AMPD1: variants seen among roughly 807,000 people sequenced by gnomAD.
AMPD1 encodes the protein AMP deaminase 1.
Under a neutral mutation model 82.9 loss-of-function variants are expected in AMPD1, and 74 were observed. That is an observed-to-expected ratio of 0.89 (90% CI 0.74 to 1.08). The LOEUF (loss-of-function observed/expected upper bound fraction) is 1.08. AMPD1 is among the 50% of genes least tolerant of loss of function. AMPD1 has a pLI of 0.00. For synonymous variants in AMPD1, 333 were observed against 320.5 expected (o/e 1.04, Z -0.42); for missense variants, 881 against 924.5 (o/e 0.95, Z 0.61).
rs751594386 is a variant in AMPD1, at chr1:114,673,180, G to A, written c.2178C>T (p.Ala726=). The A allele has an allele frequency of 5.0e-6, 8 of 1,614,068 alleles. No homozygotes were observed. Among genetic ancestry groups the A allele is most frequent in the South Asian group, 2.2e-5 (2 of 91,080 alleles). ...RRTNVAQIRM[A]YRYETWCYEL... Reference sequence around the variant, plus strand: ...CATAACACCAGGTTTCATAGCGATAGGCCATGCGGATTTGGGCTACATTTG... The same window carrying A: ...CATAACACCAGGTTTCATAGCGATAAGCCATGCGGATTTGGGCTACATTTG... Residue 726 remains alanine (A), a synonymous_variant, in exon 16 of 16, where the codon GCC becomes GCT. Transcript: ENST00000520113.
intron 2 of AMPD1, among the ~76,000 whole-genome samples, chr1:114,689,373 C>T (rs1225429255): frequency 6.6e-6 from 1 of 152,128 alleles, no homozygotes; most frequent in African/African-American, 2.4e-5. Flanking sequence ...TGCTGGAAGT[C>T]CCATTTCTTG....
intron 5 of AMPD1, among the ~76,000 whole-genome samples, chr1:114,683,872 G>A (rs1416984602): frequency 6.6e-6 from 1 of 152,180 alleles, no homozygotes; most frequent in Non-Finnish European, 1.5e-5. Flanking sequence ...TCAGATCTGT[G>A]TTTTAAAAAT....
intron 8 of AMPD1, 134 bp from the exon 9 acceptor site, chr1:114,678,175 A>G (rs771587586): frequency 1.1e-4 from 163 of 1,468,020 alleles, no homozygotes; most frequent in Non-Finnish European, 1.5e-4. Flanking sequence ...AATTTGGGAC[A>G]GGTGACAATG....
chr1:114,677,265 G>T, intron 10 of AMPD1, 86 bp downstream of exon 10: 2 of 1,550,192 alleles, frequency 1.3e-6, no homozygotes, highest in Non-Finnish European at 1.8e-6. Context: ...ATTTCTAGAT[G>T]GGCAACACGT....
Position 114,674,768 on chromosome 1 carries a change from C to A in AMPD1, c.1784G>T (p.Gly595Val). 1.9e-6 allele frequency: 3 copies of A among 1,613,678 alleles called. No homozygotes were observed. The highest frequency in any genetic ancestry group is 1.7e-6 in the Non-Finnish European group (2 of 1,179,648). The change falls in exon 13 of 16, where the codon GGC (glycine) becomes GTC (valine). Residue 595 changes from glycine (G) to valine (V), a missense_variant. By Grantham distance (109) the Gly-to-Val change is moderately radical. Transcript: ENST00000520113. ...AFMIADDISH[G>V]LNLKKSPVLQ... Reference sequence around the variant, plus strand: ...CCAACTCACCTTTTTTAAATTTAGGCCATGAGAGATATCATCTGCTATCAT... The same window carrying A: ...CCAACTCACCTTTTTTAAATTTAGGACATGAGAGATATCATCTGCTATCAT...
intron 4 of AMPD1, 80 bp from the exon 5 acceptor site, chr1:114,684,444 C>T: frequency 7.0e-7 from 1 of 1,438,006 alleles, no homozygotes; most frequent in Non-Finnish European, 9.6e-7. Flanking sequence ...TCCTTGGCAC[C>T]TCCCAGCTCT....
chr1:114,674,741 T>G lies in AMPD1; in HGVS notation c.1800+11A>C. On this transcript the variant is annotated intron_variant, in intron 13 of 15. Transcript: ENST00000520113. ...CCAATGTAAAAGTTAAGAAGAGAGCTTCCAACTCACCTTTTTTAAATTTAG... is the reference window on the plus strand; with the variant it reads ...CCAATGTAAAAGTTAAGAAGAGAGCGTCCAACTCACCTTTTTTAAATTTAG... The G allele has an allele frequency of 6.2e-7, 1 of 1,613,232 alleles. No homozygotes were observed.
In AMPD1 at chr1:114,683,038, G is replaced by A. The variant is rs189213166; in HGVS notation, c.547+1161C>T. The A allele has an allele frequency of 1.7e-3, 528 of 316,200 alleles. 2 individuals are homozygous for A. Among genetic ancestry groups the A allele is most frequent in the African/African-American group, 0.011 (492 of 44,830 alleles). The allele number at this position is 316,200 out of a possible 1,614,324, so 19.6% of individuals were successfully genotyped here. A position where few individuals can be genotyped will look rare whatever the true frequency, so the allele number is the denominator to read the frequency against. The stretch of plus-strand genomic sequence containing the variant: ...CAGAAATTTAATTGCCTAAAAATAG[G>A]AATTAAGTCAATTATGTTCCAGTTA... On this transcript the variant is annotated intron_variant, in intron 5 of 15. Coordinates refer to ENST00000520113, the MANE Select transcript of AMPD1 (RefSeq NM_000036.3).
chr1:114,678,054 A>G lies in AMPD1; in HGVS notation c.1093-13T>C, dbSNP rs1657920976. Reference sequence around the variant, plus strand: ...AGGTCTGGCGTCCCTGAATCAGGAAAAAAGAGCAGAGATGTATTATTACCA... The same window carrying G: ...AGGTCTGGCGTCCCTGAATCAGGAAGAAAGAGCAGAGATGTATTATTACCA... On this transcript the variant is annotated splice_polypyrimidine_tract_variant and intron_variant, in intron 8 of 15. Transcript: ENST00000520113. 2 of 1,613,796 alleles carry G rather than the reference A, an allele frequency of 1.2e-6. No individual in the cohort carries two copies. The highest frequency in any genetic ancestry group is 1.7e-6 in the Non-Finnish European group (2 of 1,179,996).
rs756615555 is a variant in AMPD1, at chr1:114,695,477, C to T, written c.-6G>A. The T allele has an allele frequency of 2.4e-5, 38 of 1,613,428 alleles. No individual in the cohort carries two copies. In the South Asian group the frequency reaches 4.0e-4, roughly 17 times the overall value. On this transcript the variant is annotated 5_prime_UTR_variant, in exon 1 of 16. Transcript: ENST00000520113. ...GGGAGTTTGAACAGAGGCATTGTTGCTGAAATCCTTGATTCTAGGATAGCA... is the reference window on the plus strand; with the variant it reads ...GGGAGTTTGAACAGAGGCATTGTTGTTGAAATCCTTGATTCTAGGATAGCA...
chr1:114,675,421 T>G, intron 12 of AMPD1, 109 bp downstream of exon 12: 1 of 1,233,418 alleles, frequency 8.1e-7, no homozygotes, highest in Non-Finnish European at 1.2e-6. Context: ...TTTGGGCCAA[T>G]TGGAACCATC....
chr1:114,684,605 T>C (rs1658259115), intron 4 of AMPD1: 1 of 568,828 alleles, frequency 1.8e-6, no homozygotes, highest in South Asian at 2.1e-5. Context: ...GTCTTTCCCT[T>C]GTAGTCCTGT....
chr1:114,678,549 G>GA (rs762951803), intron 7 of AMPD1, 22 bp from the exon 8 acceptor site: 4 of 1,603,166 alleles, frequency 2.5e-6, no homozygotes, highest in South Asian at 1.1e-5. Flanking sequence ...TTCAAAGAAA[G>GA]AAAAAAACAT....
In AMPD1 at chr1:114,680,267, T is replaced by G. The variant is rs767365709; in HGVS notation, c.759A>C (p.Gln253His). ...DMNFLLALIA[Q>H]GPVKTYTHRR... ...TCTCACTAAACACTTACACAGGTCC[T>G]TGAGCAATTAAAGCAAGTAAAAAAT... The change falls in exon 6 of 16, where the codon CAA becomes CAC. Residue 253 changes from glutamine (Q) to histidine (H), a missense_variant. By Grantham distance (24) the Gln-to-His change is conservative. This residue lies in a region of AMPD1 where 783 missense variants were observed against 786.4 expected (regional missense o/e 1.00). Transcript: ENST00000520113. The G allele has an allele frequency of 4.3e-6, 7 of 1,613,554 alleles. No individual in the cohort carries two copies. In the African/African-American group the frequency reaches 8.0e-5, roughly 18 times the overall value.
At chr1:114,683,049 A>G (rs1285023087) in intron 5 of AMPD1, 1 of 368,056 alleles carries the variant, frequency 2.7e-6, no homozygotes, top group Non-Finnish European at 5.3e-6. Context: ...AATTAAGTCA[A>G]TTATGTTCCA....
intron 4 of AMPD1, among the ~76,000 whole-genome samples, chr1:114,685,295 A>T (rs549624989): frequency 1.3e-5 from 2 of 152,316 alleles, no homozygotes; most frequent in African/African-American, 4.8e-5. Context: ...GTCCTCAAGA[A>T]TGAGAGCTGG....
At chr1:114,684,761 C>T (rs954937807) in intron 4 of AMPD1, among the ~76,000 whole-genome samples, 1 of 152,152 alleles carries the variant, frequency 6.6e-6, no homozygotes, top group Non-Finnish European at 1.5e-5. Context: ...ACTGAAAGAC[C>T]ATGTGACTCA....
At chr1:114,679,902 A>C (rs935730402) in intron 6 of AMPD1, among the ~76,000 whole-genome samples, 194 bp from the exon 7 acceptor site, 1 of 152,246 alleles carries the variant, frequency 6.6e-6, no homozygotes, top group East Asian at 1.9e-4. Context: ...AATGTTGGAC[A>C]TAAGAATGAG....
chr1:114,686,464 C>T (rs1461354933), intron 4 of AMPD1, among the ~76,000 whole-genome samples: 1 of 152,016 alleles, frequency 6.6e-6, no homozygotes, highest in African/African-American at 2.4e-5. Context: ...GTCCTTTTTG[C>T]CAAAATCTGT....
Sources: allele counts gnomAD v4.1 joint callset (sites outside exome capture counted in the v4.1 genomes callset), GRCh38; gene constraint gnomAD v4.1.1; regional missense constraint gnomAD v4.1.1; transcripts MANE v1.5; gene names NCBI Gene and HGNC (gene_info 2026-07-23, HGNC 2026-07-21).